RASA3: variants seen among roughly 807,000 people sequenced by gnomAD.
The protein encoded by RASA3 is RAS p21 protein activator 3.
A neutral mutation model predicts 110.0 loss-of-function variants in RASA3; 73 were observed. The ratio of observed to expected loss-of-function variants is 0.66; its 90% CI spans 0.55 to 0.81. The LOEUF is 0.81. Ranked by LOEUF, RASA3 falls within the 30% of genes least tolerant of loss-of-function variation. RASA3 has a pLI of 0.00. For synonymous variants in RASA3, 500 were observed against 451.4 expected, an observed-to-expected ratio of 1.11 and a Z score of -1.37; for missense variants, 976 against 1,113.2, an observed-to-expected ratio of 0.88 and a Z score of 1.75.
chr13:114,062,188 GT>G (rs56360014), intron 2 of RASA3, among the ~76,000 whole-genome samples: 9 of 148,696 alleles, frequency 6.1e-5, no homozygotes, highest in Admixed American at 1.3e-4. Context: ...TTTCCTGTGG[GT>G]TTTTTTTTTA....
rs116274844 is a variant in RASA3 at position 114,118,559 on chromosome 13, C to A, written c.55+13876G>T. Among the ~76,000 whole-genome samples, 1,073 of 152,300 alleles carry A rather than the reference C, an allele frequency of 7.0e-3. 8 individuals are homozygous for A. The highest frequency in any genetic ancestry group is 0.025 in the African/African-American group (1,023 of 41,558). On this transcript the variant is annotated intron_variant, in intron 1 of 23. Transcript: ENST00000334062. ...AGAATGCATGGCACATTTTTACAAG[C>A]CTCACAACTTTCTGATTAGATGCAT...
intron 3 of RASA3, among the ~76,000 whole-genome samples, chr13:114,043,808 A>G (rs1010215100): frequency 2.1e-5 from 3 of 142,022 alleles, no homozygotes; most frequent in African/African-American, 8.0e-5. Context: ...CAGCCAGGAC[A>G]CCTCCGCCTG....
At chr13:114,100,224 T>C (rs1487341457) in intron 1 of RASA3, among the ~76,000 whole-genome samples, 3 of 151,714 alleles carry the variant, frequency 2.0e-5, no homozygotes, top group Non-Finnish European at 4.4e-5. Context: ...CCCGCGGTGC[T>C]GAGGGCGCGC....
intron 22 of RASA3, among the ~76,000 whole-genome samples, chr13:113,984,055 TACCCATTACTCACCCATCCATCCCTCC>T (rs2052992322): frequency 1.5e-5 from 1 of 66,206 alleles, no homozygotes; most frequent in African/African-American, 4.6e-5. Context: ...TCTGTCCATC[TACCCATTACTCACCCATCCATCCCTCC>T]ACCCATCACT....
rs771674548 is a variant in RASA3, at chr13:114,009,443, T to C, written c.1612A>G (p.Met538Val). The change falls in exon 17 of 24, where the codon ATG (methionine) becomes GTG (valine). Residue 538 changes from methionine (M) to valine (V), a missense_variant. By Grantham distance (21) the Met-to-Val change is conservative (BLOSUM62 1). This residue lies in a region of RASA3 where 732 missense variants were observed against 779.7 expected (regional missense o/e 0.94). Transcript: ENST00000334062. Reference protein sequence around the residue: ...SKSASFKESYMATFYEFFNEQ... With the variant: ...SKSASFKESYVATFYEFFNEQ... The stretch of plus-strand genomic sequence containing the variant: ...TTGAAGAATTCATAAAATGTAGCCA[T>C]GTAGGACTCCTTAAAACTCGCCTAA... 1.2e-5 allele frequency: 19 copies of C among 1,611,774 alleles called. No homozygotes were observed. Among genetic ancestry groups the C allele is most frequent in the African/African-American group, 6.7e-5 (5 of 74,902 alleles).
chr13:114,057,111 G>A lies in RASA3; in HGVS notation c.174-4956C>T, dbSNP rs868112000. On this transcript the variant is annotated intron_variant, in intron 2 of 23. Coordinates refer to ENST00000334062, the MANE Select transcript of RASA3 (RefSeq NM_007368.4). The surrounding 1 kb of genome is among the most constrained non-coding windows in gnomAD (Gnocchi z 5.0). ...AGCCAGAACAGGCTCCAGCACAGGC[G>A]ATGGGTGAGTGTTTTGCATGTCTGA... is the stretch of plus-strand genomic sequence containing the variant. 1 of 770,898 alleles carries A rather than the reference G, an allele frequency of 1.3e-6. No homozygotes were observed. The highest frequency in any genetic ancestry group is 1.6e-6 in the Non-Finnish European group (1 of 634,230). The allele number at this position is 770,898 out of a possible 1,614,324, so 47.8% of individuals were successfully genotyped here.
At chr13:113,980,985 C>T (rs752953620) in intron 23 of RASA3, among the ~76,000 whole-genome samples, 34 of 152,144 alleles carry the variant, frequency 2.2e-4, no homozygotes, top group African/African-American at 4.1e-4. Context: ...AGGGCTTACC[C>T]GCCCCTGAAT....
chr13:114,044,859 G>C (rs2079026686), intron 3 of RASA3, among the ~76,000 whole-genome samples: 1 of 152,076 alleles, frequency 6.6e-6, no homozygotes. Context: ...ATTTTTATGA[G>C]CTGAAACTGG....
intron 4 of RASA3, among the ~76,000 whole-genome samples, chr13:114,034,418 C>T (rs1008817518): frequency 6.6e-6 from 1 of 152,048 alleles, no homozygotes; most frequent in East Asian, 1.9e-4. Flanking sequence ...GTGTGGCCCC[C>T]GTGTGCTCTC....
chr13:114,040,381 C>T (rs1353742719), intron 4 of RASA3, among the ~76,000 whole-genome samples: 1 of 16,830 alleles, frequency 5.9e-5, no homozygotes, highest in African/African-American at 2.6e-4. Context: ...CGAGCACAAG[C>T]GGGCGAACAC....
chr13:113,989,687 GTCAC>G (rs140184318), intron 22 of RASA3, among the ~76,000 whole-genome samples: 1 of 124,576 alleles, frequency 8.0e-6, no homozygotes, highest in African/African-American at 3.1e-5. Flanking sequence ...CCATCCACCC[GTCAC>G]TCACCCATCC....
chr13:113,998,946 T>C (rs2053318899), intron 20 of RASA3, among the ~76,000 whole-genome samples: 1 of 152,208 alleles, frequency 6.6e-6, no homozygotes, highest in East Asian at 1.9e-4. Context: ...TGGTGGCTGC[T>C]GTGGTTTTGG....
At chr13:114,072,180 G>A (rs1465265487) in intron 2 of RASA3, among the ~76,000 whole-genome samples, 2 of 152,010 alleles carry the variant, frequency 1.3e-5, no homozygotes, top group Admixed American at 6.6e-5. Context: ...TCCCACCCCC[G>A]ACATAAATCG....
chr13:114,036,662 G>A (rs998509392), intron 4 of RASA3, among the ~76,000 whole-genome samples: 6 of 152,050 alleles, frequency 3.9e-5, no homozygotes, highest in Admixed American at 6.5e-5. Flanking sequence ...CTCAACCTCC[G>A]GAGTAGCTGG....
intron 1 of RASA3, among the ~76,000 whole-genome samples, chr13:114,088,726 T>C (rs942016539): frequency 2.6e-5 from 4 of 152,120 alleles, no homozygotes; most frequent in Non-Finnish European, 4.4e-5. Context: ...AATTTTGTAT[T>C]TCTATTAGAG....
At chr13:114,005,341 C>T (rs1352941560) in intron 18 of RASA3, among the ~76,000 whole-genome samples, 1 of 152,132 alleles carries the variant, frequency 6.6e-6, no homozygotes, top group Admixed American at 6.5e-5. Context: ...TTGGTGGAAA[C>T]GGGCAGACGT....
intron 9 of RASA3, 33 bp from the exon 10 acceptor site, chr13:114,018,952 G>T: frequency 6.2e-7 from 1 of 1,611,938 alleles, no homozygotes; most frequent in African/African-American, 1.3e-5. Flanking sequence ...GGGGAGGCAT[G>T]AGGCTGCATC....
At chr13:114,110,511 G>A (rs2080202537) in intron 1 of RASA3, among the ~76,000 whole-genome samples, 1 of 152,210 alleles carries the variant, frequency 6.6e-6, no homozygotes, top group Non-Finnish European at 1.5e-5. Flanking sequence ...GCCCTACACA[G>A]GACAGGTTCT....
intron 22 of RASA3, among the ~76,000 whole-genome samples, chr13:113,983,514 C>T (rs2052982723): frequency 9.6e-6 from 1 of 103,890 alleles, no homozygotes; most frequent in African/African-American, 3.1e-5. Context: ...GGAACCAGAA[C>T]TCAAAGGCTG....
Sources: gnomAD v4.1 joint callset for allele counts (sites outside exome capture counted in the v4.1 genomes callset) on GRCh38, gnomAD v4.1.1 for gene constraint, gnomAD v4.1.1 regional missense constraint, Gnocchi (gnomAD v3.1) non-coding constraint, MANE v1.5 for transcripts, NCBI Gene and HGNC (gene_info 2026-07-23, HGNC 2026-07-21) for gene names.